Variants in PLEKHG5 observed in about 807,000 individuals in gnomAD.
PLEKHG5 encodes the protein pleckstrin homology and RhoGEF domain containing G5, also known as pleckstrin homology domain-containing family G member 5.
Under a neutral mutation model 103.8 loss-of-function variants are expected in PLEKHG5, and 52 were observed. That is an observed-to-expected ratio of 0.50 (90% CI 0.40 to 0.63). The LOEUF (loss-of-function observed/expected upper bound fraction) is 0.63, where lower values mean the gene tolerates loss of function less well. Ranked by LOEUF, PLEKHG5 falls within the 30% of genes least tolerant of loss-of-function variation. PLEKHG5 has a pLI of 0.00. For synonymous variants in PLEKHG5, 592 were observed against 575.5 expected (o/e 1.03, Z -0.41); for missense variants, 1,205 against 1,347.6 (o/e 0.89, Z 1.66).
chr1:6,474,115 G>A lies in PLEKHG5; in HGVS notation c.489C>T (p.Asp163=), dbSNP rs1644685045. 2 of 1,613,442 alleles carry A rather than the reference G, an allele frequency of 1.2e-6. No individual in the cohort carries two copies. The highest frequency in any genetic ancestry group is 2.2e-5 in the East Asian group (1 of 44,890). ...GAATCGGCAAACTCAGGGACTTGGA[G>A]TCCTTCATGCCCTGCTCCACCTTGC... The part of the protein sequence containing the change: ...DEGKVEQGMK[D]SKSLSLPILR... The change falls in exon 7 of 21, where the codon GAC becomes GAT. Residue 163 remains aspartate, a synonymous_variant. Coordinates refer to ENST00000377728, the MANE Select transcript of PLEKHG5 (RefSeq NM_020631.6).
At chr1:6,495,368 G>A (rs989414541), upstream of PLEKHG5, among the ~76,000 whole-genome samples, 6 of 151,684 alleles carry the variant, frequency 4.0e-5, no homozygotes, top group African/African-American at 7.2e-5. Context: ...CCCTCACCAC[G>A]GCCCTCCTGT....
chr1:6,490,887 A>G lies in PLEKHG5; in HGVS notation c.-88+750T>C, dbSNP rs1205969253. 6.6e-6 allele frequency among the ~76,000 whole-genome samples: 1 copy of G among 152,048 alleles called. No homozygotes were observed. The highest frequency in any genetic ancestry group is 2.4e-5 in the African/African-American group (1 of 41,420). On this transcript the variant is annotated intron_variant, in intron 1 of 20. Coordinates refer to ENST00000377728, the MANE Select transcript of PLEKHG5 (RefSeq NM_020631.6). The surrounding 1 kb of genome is among the most constrained non-coding windows in gnomAD (Gnocchi z 8.0). ...AAGACGGGAGCTCGCCCATCCCGGAAGGGGGCTAGGGGGGACCAGGGCCCG... is the reference window on the plus strand; with the variant it reads ...AAGACGGGAGCTCGCCCATCCCGGAGGGGGGCTAGGGGGGACCAGGGCCCG...
In PLEKHG5 at chr1:6,490,534, A is replaced by AG; in HGVS notation, c.-88+1102dup. The AG allele has an allele frequency of 1.0e-6, 1 of 985,212 alleles. No homozygotes were observed. Among genetic ancestry groups the AG allele is most frequent in the Non-Finnish European group, 1.2e-6 (1 of 829,904 alleles). The allele number at this position is 985,212 out of a possible 1,614,324, so 61.0% of individuals were successfully genotyped here. A position where few individuals can be genotyped will look rare whatever the true frequency, so the allele number is the denominator to read the frequency against. ...AAAGCCTCATGGGGCGCGCGGGGAG[A>AG]GGGGGACGGGAGCCGCGGGACGGGC... On this transcript the variant is annotated intron_variant, in intron 1 of 20. Transcript: ENST00000377728. The surrounding 1 kb of genome is among the most constrained non-coding windows in gnomAD (Gnocchi z 8.0).
At chr1:6,471,146 C>G in intron 12 of PLEKHG5, 46 bp from the exon 13 acceptor site, 1 of 1,478,026 alleles carries the variant, frequency 6.8e-7, no homozygotes, top group Non-Finnish European at 9.2e-7. Flanking sequence ...CGCGCGCTCC[C>G]TGCGGGCCGG....
intron 1 of PLEKHG5, chr1:6,485,263 G>T (rs1426317724): frequency 1.7e-6 from 2 of 1,145,434 alleles, no homozygotes; most frequent in South Asian, 2.3e-5. Context: ...GCACAGGACT[G>T]GGCGGCTGCA....
At position 6,471,479 on chromosome 1, in the gene PLEKHG5, C is replaced by T. The variant is rs1415401013; in HGVS notation, c.1281+9G>A. On this transcript the variant is annotated intron_variant, in intron 12 of 20. Coordinates refer to ENST00000377728, the MANE Select transcript of PLEKHG5 (RefSeq NM_020631.6). ...CAGTGCCCCCGCCTGCGCCCGGCCC[C>T]GCCCGTACCATCTTGAAGCCTTTGA... 1.2e-6 allele frequency: 2 copies of T among 1,609,470 alleles called. No homozygotes were observed. Among genetic ancestry groups the T allele is most frequent in the Admixed American group, 3.3e-5 (2 of 59,866 alleles).
chr1:6,501,631 G>A (rs1416726466), upstream of PLEKHG5, among the ~76,000 whole-genome samples: 1 of 152,150 alleles, frequency 6.6e-6, no homozygotes, highest in African/African-American at 2.4e-5. This position sits in a 1 kb window ranked among gnomAD's most constrained non-coding sequence, Gnocchi z 4.3. Flanking sequence ...TTACAGATGA[G>A]GAAACTGAGG....
chr1:6,485,518 C>T, intron 1 of PLEKHG5: 1 of 1,223,998 alleles, frequency 8.2e-7, no homozygotes, highest in Non-Finnish European at 1.0e-6. Context: ...CATTGTGCGG[C>T]CGCGCCCGCC....
intron 7 of PLEKHG5, 76 bp from the exon 8 acceptor site, chr1:6,473,530 G>C (rs1457834749): frequency 8.3e-7 from 1 of 1,209,064 alleles, no homozygotes; most frequent in Non-Finnish European, 1.1e-6. Flanking sequence ...GGTTTCCAGG[G>C]CCTCAGGCCA....
intron 10 of PLEKHG5, among the ~76,000 whole-genome samples, chr1:6,472,041 G>A (rs1177158945): frequency 6.6e-6 from 1 of 152,222 alleles, no homozygotes; most frequent in East Asian, 1.9e-4. Flanking sequence ...GGTCCCTCCT[G>A]GAGGGAAGCT....
At chr1:6,476,199 TTTTTG>T (rs750192202) in intron 2 of PLEKHG5, among the ~76,000 whole-genome samples, 163 bp from the exon 3 acceptor site, 1 of 152,232 alleles carries the variant, frequency 6.6e-6, no homozygotes, top group Non-Finnish European at 1.5e-5. Context: ...TTGTTTTTTG[TTTTTG>T]TTTTGAGATA....
Position 6,467,837 on chromosome 1 carries a change from G to C in PLEKHG5, c.2999C>G (p.Thr1000Arg), listed in dbSNP as rs781065380. Residue 1000 changes from threonine to arginine, a missense_variant, in exon 20 of 21, where the codon ACG becomes AGG. Physicochemically the swap from Thr to Arg is moderately conservative, Grantham distance 71. Transcript: ENST00000377728. ...CCAGGCCACTCACGAGGCAGTGAGC[G>C]TGGAGTTAAGCAGCAGGGTGGTCCT... ...RIRTTLLLNSTLTASEV is the reference protein window; with the variant it reads ...RIRTTLLLNSRLTASEV 2 of 1,613,242 alleles carry C rather than the reference G, an allele frequency of 1.2e-6. No individual in the cohort carries two copies. The highest frequency in any genetic ancestry group is 2.2e-5 in the East Asian group (1 of 44,880).
At chr1:6,494,407 A>G (rs1332585075), upstream of PLEKHG5, among the ~76,000 whole-genome samples, 1 of 151,996 alleles carries the variant, frequency 6.6e-6, no homozygotes, top group Non-Finnish European at 1.5e-5. Flanking sequence ...CTGGGGTTAC[A>G]GGTGTGAGCC....
Position 6,473,127 on chromosome 1 carries a change from G to A in PLEKHG5, c.843C>T (p.Ser281=), listed in dbSNP as rs1644645894. ...GGGGCAGCCTGGGCAGCCCGAAGAG[G>A]CTGTAGGTGTGCAGCTTGCCCTCCA... ...EQLEGKLHTY[S]LFGLPRLPRG... is the part of the protein sequence containing the mutation. The change falls in exon 9 of 21, where the codon AGC becomes AGT. Residue 281 remains serine, a synonymous_variant. Transcript: ENST00000377728. The A allele has an allele frequency of 1.2e-6, 2 of 1,613,846 alleles. No individual in the cohort carries two copies. The highest frequency in any genetic ancestry group is 1.7e-6 in the Non-Finnish European group (2 of 1,179,990).
At chr1:6,494,290 C>G (rs552024141), upstream of PLEKHG5, among the ~76,000 whole-genome samples, 41 of 151,956 alleles carry the variant, frequency 2.7e-4, no homozygotes, top group African/African-American at 9.9e-4. Flanking sequence ...ACCACCATGC[C>G]CAGCTAATTT....
At chr1:6,471,162 G>GA in intron 12 of PLEKHG5, 62 bp from the exon 13 acceptor site, 1 of 1,331,382 alleles carries the variant, frequency 7.5e-7, no homozygotes, top group Non-Finnish European at 1.1e-6. Context: ...GCCGGCCCGC[G>GA]CCAGGCGCTG....
rs180730876 is a variant in PLEKHG5, at chr1:6,503,711, A to C, written c.-164-7142T>G. ...AGGCATAAGCCACCGTGCCCGGCCT[A>C]CCCTGTCTTAAAGAGAAAAATAAAG... On this transcript the variant is annotated intron_variant, in intron 1 of 21. Transcript: ENST00000377740. Among the ~76,000 whole-genome samples the C allele has an allele frequency of 6.5e-3, 997 of 152,226 alleles. 8 individuals are homozygous for C. The highest frequency in any genetic ancestry group is 0.023 in the African/African-American group (945 of 41,564).
At chr1:6,494,831 C>T (rs1645199680), upstream of PLEKHG5, among the ~76,000 whole-genome samples, 1 of 152,226 alleles carries the variant, frequency 6.6e-6, no homozygotes, top group African/African-American at 2.4e-5. Flanking sequence ...CCAGTAGTGA[C>T]AGGGCCCAGA....
Position 6,470,216 on chromosome 1 carries a change from T to C in PLEKHG5, c.1800+20A>G, listed in dbSNP as rs747431657. The C allele has an allele frequency of 6.2e-7, 1 of 1,612,954 alleles. No homozygotes were observed. Among genetic ancestry groups the C allele is most frequent in the Non-Finnish European group, 8.5e-7 (1 of 1,179,548 alleles). The stretch of plus-strand genomic sequence containing the variant: ...CCCTAGGAAGGGCAGGGCACAGGGG[T>C]GGGGTGGCCCTGGAATCACCTTGCT... On this transcript the variant is annotated intron_variant, in intron 16 of 20. Coordinates refer to ENST00000377728, the MANE Select transcript of PLEKHG5 (RefSeq NM_020631.6).
Sources: allele counts gnomAD v4.1 joint callset (sites outside exome capture counted in the v4.1 genomes callset), GRCh38; gene constraint gnomAD v4.1.1; non-coding constraint Gnocchi (gnomAD v3.1); transcripts MANE v1.5; gene names NCBI Gene and HGNC (gene_info 2026-07-23, HGNC 2026-07-21).